Variants in SMC1B observed in about 807,000 individuals in gnomAD.
SMC1B encodes the protein structural maintenance of chromosomes 1B.
SMC1B carries 60 observed loss-of-function variants against 157.9 expected under a neutral mutation model. The observed-to-expected ratio is 0.38, with a 90% CI of 0.31 to 0.47. SMC1B has a LOEUF of 0.47. SMC1B is among the 20% of genes least tolerant of loss of function. The pLI is 0.99. For missense variants in SMC1B, 1,165 were observed against 1,426.2 expected (o/e 0.82, Z 2.95); for synonymous variants, 445 against 483.0 (o/e 0.92, Z 1.03).
chr22:45,366,273 C>A (rs758142195), intron 15 of SMC1B, among the ~76,000 whole-genome samples: 32 of 152,134 alleles, frequency 2.1e-4, no homozygotes, highest in Non-Finnish European at 4.4e-4. Context: ...ATCCGCCTGC[C>A]TCGAGCTCCC....
intron 5 of SMC1B, among the ~76,000 whole-genome samples, 178 bp from the exon 6 acceptor site, chr22:45,399,531 G>C (rs1602092393): frequency 6.6e-6 from 1 of 152,156 alleles, no homozygotes; most frequent in South Asian, 2.1e-4. Flanking sequence ...GATGAATAAA[G>C]CACACGGTCA....
At chr22:45,384,461 G>A (rs1257408777) in intron 11 of SMC1B, among the ~76,000 whole-genome samples, 4 of 152,102 alleles carry the variant, frequency 2.6e-5, no homozygotes, top group African/African-American at 9.7e-5. Flanking sequence ...CAGGAGTGGT[G>A]GCTCATGCCT....
intron 1 of SMC1B, among the ~76,000 whole-genome samples, chr22:45,412,293 C>T (rs533075109): frequency 6.6e-6 from 1 of 151,864 alleles, no homozygotes; most frequent in Non-Finnish European, 1.5e-5. Flanking sequence ...CTCTGCCTCC[C>T]GGGTTCAAGC....
intron 12 of SMC1B, among the ~76,000 whole-genome samples, chr22:45,381,594 A>G (rs1431536107): frequency 2.0e-5 from 3 of 152,166 alleles, no homozygotes; most frequent in South Asian, 2.1e-4. Flanking sequence ...ACGAAGCCCT[A>G]TATCAGCTTT....
chr22:45,345,612 C>G, intron 23 of SMC1B, 43 bp from the exon 24 acceptor site: 1 of 1,206,432 alleles, frequency 8.3e-7, no homozygotes, highest in Non-Finnish European at 1.2e-6. Flanking sequence ...AAGGAAAGGC[C>G]TTGTCTGGGC....
intron 23 of SMC1B, among the ~76,000 whole-genome samples, chr22:45,346,168 G>C (rs1364447500): frequency 6.6e-6 from 1 of 150,416 alleles, no homozygotes; most frequent in African/African-American, 2.5e-5. Context: ...TTGTGCCACT[G>C]CACTCCAGGC....
intron 15 of SMC1B, among the ~76,000 whole-genome samples, chr22:45,365,948 A>G (rs1177163119): frequency 1.3e-5 from 2 of 152,244 alleles, no homozygotes; most frequent in Non-Finnish European, 2.9e-5. Flanking sequence ...TTTTGAAGGT[A>G]TCAATTCTCC....
At chr22:45,393,556 C>A in intron 9 of SMC1B, 78 bp downstream of exon 9, 4 of 1,048,026 alleles carry the variant, frequency 3.8e-6, no homozygotes, top group Non-Finnish European at 4.2e-6. Flanking sequence ...ATTTCTAATC[C>A]CAAATGAGAA....
intron 14 of SMC1B, among the ~76,000 whole-genome samples, 190 bp downstream of exon 14, chr22:45,371,281 G>C (rs1309880791): frequency 6.6e-6 from 1 of 152,158 alleles, no homozygotes; most frequent in Non-Finnish European, 1.5e-5. Flanking sequence ...CTTGAGGTGA[G>C]CAACAGAGGT....
chr22:45,389,889 T>C lies in SMC1B; in HGVS notation c.1554A>G (p.Arg518=), dbSNP rs370876580. The C allele has an allele frequency of 4.3e-4, 687 of 1,612,138 alleles. No homozygotes were observed. Among genetic ancestry groups the C allele is most frequent in the Non-Finnish European group, 5.2e-4 (617 of 1,179,526 alleles). ...KRLYPDSVFG[R]LFDLCHPIHK... is the part of the protein sequence containing the mutation. The stretch of plus-strand genomic sequence containing the variant: ...GAATAGGATGACACAGGTCAAATAG[T>C]CTTCCAAACTTAGCAGGTTTCAAAA... The change falls in exon 10 of 25, where the codon AGA becomes AGG. Residue 518 remains arginine, a synonymous_variant. Coordinates refer to ENST00000357450, the MANE Select transcript of SMC1B (RefSeq NM_148674.5).
intron 15 of SMC1B, among the ~76,000 whole-genome samples, chr22:45,363,806 C>T (rs2086745665): frequency 6.6e-6 from 1 of 151,962 alleles, no homozygotes; most frequent in African/African-American, 2.4e-5. Flanking sequence ...TTCCTCTCCT[C>T]TTTTTCTTTA....
chr22:45,352,698 C>G, intron 21 of SMC1B, 96 bp from the exon 22 acceptor site: 1 of 1,253,338 alleles, frequency 8.0e-7, no homozygotes, highest in Non-Finnish European at 1.1e-6. Flanking sequence ...GTTAGCTTTT[C>G]TTCAATTTTG....
chr22:45,358,075 T>G (rs2086686631), intron 19 of SMC1B, among the ~76,000 whole-genome samples: 2 of 152,192 alleles, frequency 1.3e-5, no homozygotes, highest in Non-Finnish European at 2.9e-5. Flanking sequence ...AACAGTGGGT[T>G]GTGAAGAGCT....
rs1384334199 is a variant in SMC1B at position 45,344,531 on chromosome 22, T to C, written c.*25A>G. ...TATTAGAGTGGGAACTGAACAGTGA[T>C]CAGGTGACTGCTGCAGGACTGCCCC... is the stretch of plus-strand genomic sequence containing the variant. On this transcript the variant is annotated 3_prime_UTR_variant, in exon 25 of 25. Coordinates refer to ENST00000357450, the MANE Select transcript of SMC1B (RefSeq NM_148674.5). 1.3e-6 allele frequency: 2 copies of C among 1,528,576 alleles called. No homozygotes were observed. Among genetic ancestry groups the C allele is most frequent in the Non-Finnish European group, 1.8e-6 (2 of 1,102,302 alleles). 94.7% of individuals were successfully genotyped at this position (1,528,576 alleles called of 1,614,324 possible). A position where few individuals can be genotyped will look rare whatever the true frequency, so the allele number is the denominator to read the frequency against.
At chr22:45,398,764 G>C (rs2087156778) in intron 6 of SMC1B, among the ~76,000 whole-genome samples, 3 of 152,094 alleles carry the variant, frequency 2.0e-5, no homozygotes, top group Admixed American at 2.0e-4. Context: ...ATAAGGCGGA[G>C]GTTGCAGTGA....
At chr22:45,393,597 G>GC in intron 9 of SMC1B, 37 bp downstream of exon 9, 2 of 1,499,124 alleles carry the variant, frequency 1.3e-6, no homozygotes, top group Non-Finnish European at 1.8e-6. Flanking sequence ...GGAAAGCTTA[G>GC]TTTTTTTTGT....
chr22:45,347,183 A>G (rs1602039504), intron 23 of SMC1B, among the ~76,000 whole-genome samples: 1 of 152,054 alleles, frequency 6.6e-6, no homozygotes, highest in South Asian at 2.1e-4. Context: ...AGACAACTCA[A>G]GATGCTCTTC....
intron 21 of SMC1B, among the ~76,000 whole-genome samples, chr22:45,352,851 A>G (rs965400880): frequency 2.0e-5 from 3 of 152,214 alleles, no homozygotes; most frequent in African/African-American, 7.2e-5. Flanking sequence ...CTGCCAGTCA[A>G]ACCTCAGAGG....
intron 1 of SMC1B, among the ~76,000 whole-genome samples, chr22:45,411,418 G>A (rs764663445): frequency 6.6e-6 from 1 of 152,198 alleles, no homozygotes; most frequent in Non-Finnish European, 1.5e-5. Context: ...TGAATTAGTA[G>A]ATACCAGGAG....
Sources: gnomAD v4.1 joint callset for allele counts (sites outside exome capture counted in the v4.1 genomes callset) on GRCh38, gnomAD v4.1.1 for gene constraint, MANE v1.5 for transcripts, NCBI Gene and HGNC (gene_info 2026-07-23, HGNC 2026-07-21) for gene names.